Variants in AGPAT4 observed in about 807,000 individuals in gnomAD.
AGPAT4 encodes 1-acyl-sn-glycerol-3-phosphate acyltransferase delta.
In AGPAT4, 15 loss-of-function variants were observed where a neutral mutation model predicts 48.0. The ratio of observed to expected loss-of-function variants is 0.31; its 90% CI spans 0.21 to 0.48. The LOEUF (loss-of-function observed/expected upper bound fraction) is 0.48, where lower values mean the gene tolerates loss of function less well. Ranked by LOEUF, AGPAT4 falls within the 20% of genes least tolerant of loss-of-function variation. The probability of loss-of-function intolerance (pLI) is 0.99; values close to 1 mark genes in which losing one functional copy is unlikely to be tolerated. For missense variants in AGPAT4, 314 were observed against 482.5 expected, an observed-to-expected ratio of 0.65 and a Z score of 3.27; for synonymous variants, 178 against 198.7, an observed-to-expected ratio of 0.90 and a Z score of 0.88.
At chr6:161,186,909 TA>T (rs1415326008) in intron 2 of AGPAT4, among the ~76,000 whole-genome samples, 1 of 152,150 alleles carries the variant, frequency 6.6e-6, no homozygotes, top group Non-Finnish European at 1.5e-5. Context: ...TCAGTTCAAA[TA>T]AGACCACCCA....
intron 2 of AGPAT4, among the ~76,000 whole-genome samples, chr6:161,207,296 C>A (rs1781401894): frequency 6.6e-6 from 1 of 152,168 alleles, no homozygotes; most frequent in Admixed American, 6.5e-5. Context: ...CTTTTTGTAT[C>A]CCTCTTCTCT....
intron 1 of AGPAT4, among the ~76,000 whole-genome samples, chr6:161,265,712 G>A (rs999105578): frequency 7.9e-5 from 12 of 152,092 alleles, no homozygotes; most frequent in South Asian, 4.1e-4. Flanking sequence ...GGAGGGGAAC[G>A]AGGAGGGCCT....
intron 5 of AGPAT4, among the ~76,000 whole-genome samples, chr6:161,151,401 G>C (rs1779589772): frequency 6.6e-6 from 1 of 152,248 alleles, no homozygotes; most frequent in Non-Finnish European, 1.5e-5. Flanking sequence ...GAACAGCATA[G>C]AGCTGGACGG....
Position 161,202,417 on chromosome 6 carries a change from AAG to A in AGPAT4, c.178+29617_178+29618del, listed in dbSNP as rs1416356227. On this transcript the variant is annotated intron_variant, in intron 2 of 8. Transcript: ENST00000320285. The surrounding 1 kb of genome is among the most constrained non-coding windows in gnomAD (Gnocchi z 5.4). ...CTGGATGACAGAGGACAGAGGGGAA[AAG>A]AGAGAGGAAACCAGGCAGAAGCTAT... Among the ~76,000 whole-genome samples the A allele has an allele frequency of 2.0e-5, 3 of 152,108 alleles. No individual in the cohort carries two copies. The highest frequency in any genetic ancestry group is 4.4e-5 in the Non-Finnish European group (3 of 68,022).
intron 2 of AGPAT4, among the ~76,000 whole-genome samples, chr6:161,174,007 C>A (rs1780355833): frequency 6.6e-6 from 1 of 152,126 alleles, no homozygotes; most frequent in South Asian, 2.1e-4. Context: ...TGGTCTATAT[C>A]TCTGTTTTGG....
rs1363733466 is a variant in AGPAT4 at position 161,161,062 on chromosome 6, C to T, written c.348+5186G>A. The T allele has an allele frequency of 2.2e-6, 1 of 456,702 alleles. No individual in the cohort carries two copies. The highest frequency in any genetic ancestry group is 4.4e-6 in the Non-Finnish European group (1 of 226,970). 28.3% of individuals were successfully genotyped at this position (456,702 alleles called of 1,614,324 possible). On this transcript the variant is annotated intron_variant, in intron 3 of 8. Transcript: ENST00000320285. This position sits in a 1 kb window ranked among gnomAD's most constrained non-coding sequence, Gnocchi z 4.6. Reference sequence around the variant, plus strand: ...CATGGGATGATACCAAGTCGGTGTACAGCAGACAGCACAGGCTGTGACCGT... The same window carrying T: ...CATGGGATGATACCAAGTCGGTGTATAGCAGACAGCACAGGCTGTGACCGT...
chr6:161,239,796 A>AC (rs1782429105), intron 1 of AGPAT4, among the ~76,000 whole-genome samples: 1 of 152,146 alleles, frequency 6.6e-6, no homozygotes, highest in African/African-American at 2.4e-5. Context: ...GTAGAATGGG[A>AC]CCCCTAGCCT....
rs369392284 is a variant in AGPAT4, at chr6:161,132,443, G to A, written c.*4097C>T. 2 of 152,278 alleles carry A rather than the reference G, an allele frequency of 1.3e-5. No homozygotes were observed. Among genetic ancestry groups the A allele is most frequent in the Admixed American group, 6.5e-5 (1 of 15,280 alleles). 9.4% of individuals were successfully genotyped at this position (152,278 alleles called of 1,614,324 possible). A position where few individuals can be genotyped will look rare whatever the true frequency, so the allele number is the denominator to read the frequency against. On this transcript the variant is annotated 3_prime_UTR_variant, in exon 9 of 9. Coordinates refer to ENST00000320285, the MANE Select transcript of AGPAT4 (RefSeq NM_020133.3). ...GATGCTGGTCTCTTCTGAACACACCGTGGAGCAATGTGGTGCACCTGCAGA... is the reference window on the plus strand; with the variant it reads ...GATGCTGGTCTCTTCTGAACACACCATGGAGCAATGTGGTGCACCTGCAGA...
chr6:161,252,640 T>C (rs1271948975), intron 1 of AGPAT4, among the ~76,000 whole-genome samples: 3 of 54,232 alleles, frequency 5.5e-5, no homozygotes, highest in Admixed American at 4.2e-4. Flanking sequence ...CTCGGCAACA[T>C]GGTGACAAAA....
At position 161,137,205 on chromosome 6, in the gene AGPAT4, G is replaced by A. The variant is rs147183104; in HGVS notation, c.1043-571C>T. Reference sequence around the variant, plus strand: ...GGAGCCCAGTTTAATATAGGAAGCTGGAAAGCAGGGCCTAATGCTCAGAAG... The same window carrying A: ...GGAGCCCAGTTTAATATAGGAAGCTAGAAAGCAGGGCCTAATGCTCAGAAG... On this transcript the variant is annotated intron_variant, in intron 8 of 8. Coordinates refer to ENST00000320285, the MANE Select transcript of AGPAT4 (RefSeq NM_020133.3). This position sits in a 1 kb window ranked among gnomAD's most constrained non-coding sequence, Gnocchi z 6.1. Among the ~76,000 whole-genome samples, 68 of 152,278 alleles carry A rather than the reference G, an allele frequency of 4.5e-4. 1 individual carries two copies. Among genetic ancestry groups the A allele is most frequent in the African/African-American group, 1.5e-3 (63 of 41,556 alleles).
rs530412943 is a variant in AGPAT4, at chr6:161,159,768, G to A, written c.349-5458C>T. ...AAGCGATTCTCCTGCCTCAGCCTCC[G>A]GAGTAGCTGGGATTACAGGCACCTG... On this transcript the variant is annotated intron_variant, in intron 3 of 8. Transcript: ENST00000320285. This position sits in a 1 kb window ranked among gnomAD's most constrained non-coding sequence, Gnocchi z 4.1. 5.9e-5 allele frequency among the ~76,000 whole-genome samples: 9 copies of A among 151,732 alleles called. No homozygotes were observed. The South Asian group carries it at 6.3e-4, about 11-fold the overall frequency.
At position 161,161,323 on chromosome 6, in the gene AGPAT4, T is replaced by C. The variant is rs1481779211; in HGVS notation, c.348+4925A>G. 2.2e-6 allele frequency: 1 copy of C among 456,738 alleles called. No homozygotes were observed. Among genetic ancestry groups the C allele is most frequent in the Admixed American group, 2.3e-5 (1 of 42,590 alleles). The allele number at this position is 456,738 out of a possible 1,614,324, so 28.3% of individuals were successfully genotyped here. On this transcript the variant is annotated intron_variant, in intron 3 of 8. Coordinates refer to ENST00000320285, the MANE Select transcript of AGPAT4 (RefSeq NM_020133.3). The surrounding 1 kb of genome is among the most constrained non-coding windows in gnomAD (Gnocchi z 4.6). ...GCGGTGCAGCCATAGTCCCGTGAGCTGCCCACTTCCTGCCCTGGCCAGTGG... is the reference window on the plus strand; with the variant it reads ...GCGGTGCAGCCATAGTCCCGTGAGCCGCCCACTTCCTGCCCTGGCCAGTGG...
chr6:161,231,611 T>A lies in AGPAT4; in HGVS notation c.178+425A>T, dbSNP rs976163245. 1.3e-5 allele frequency among the ~76,000 whole-genome samples: 2 copies of A among 152,116 alleles called. No individual in the cohort carries two copies. The highest frequency in any genetic ancestry group is 4.8e-5 in the African/African-American group (2 of 41,408). On this transcript the variant is annotated intron_variant, in intron 2 of 8. Transcript: ENST00000320285. This position sits in a 1 kb window ranked among gnomAD's most constrained non-coding sequence, Gnocchi z 5.3. ...AAAGGCAAGGAAGAAAACAATATAG[T>A]ATACTGCCACTTAGTTTTTTAAAAA...
In AGPAT4 at chr6:161,165,499, G is replaced by T; in HGVS notation, c.348+749C>A. The T allele has an allele frequency of 1.0e-6, 1 of 965,258 alleles. No homozygotes were observed. Among genetic ancestry groups the T allele is most frequent in the Non-Finnish European group, 1.3e-6 (1 of 745,092 alleles). The allele number at this position is 965,258 out of a possible 1,614,324, so 59.8% of individuals were successfully genotyped here. A position where few individuals can be genotyped will look rare whatever the true frequency, so the allele number is the denominator to read the frequency against. On this transcript the variant is annotated intron_variant, in intron 3 of 8. Coordinates refer to ENST00000320285, the MANE Select transcript of AGPAT4 (RefSeq NM_020133.3). The surrounding 1 kb of genome is among the most constrained non-coding windows in gnomAD (Gnocchi z 5.5). ...CCCAGGTGCAAAACCTGATCTCTAA[G>T]TTCTGGTGCAAACTCTTAGGACCTT...
chr6:161,197,038 C>T lies in AGPAT4; in HGVS notation c.179-30621G>A, dbSNP rs992176182. ...CCAATGGAGGAGGCAGTAATAGAAGCGCACAAGAGGTGAGTGCTTTACAGG... is the reference window on the plus strand; with the variant it reads ...CCAATGGAGGAGGCAGTAATAGAAGTGCACAAGAGGTGAGTGCTTTACAGG... On this transcript the variant is annotated intron_variant, in intron 2 of 8. Transcript: ENST00000320285. This position sits in a 1 kb window ranked among gnomAD's most constrained non-coding sequence, Gnocchi z 5.7. Among the ~76,000 whole-genome samples, 1 of 152,100 alleles carries T rather than the reference C, an allele frequency of 6.6e-6. No homozygotes were observed. The highest frequency in any genetic ancestry group is 1.5e-5 in the Non-Finnish European group (1 of 68,024).
intron 2 of AGPAT4, among the ~76,000 whole-genome samples, chr6:161,186,333 C>T (rs1780768031): frequency 6.6e-6 from 1 of 152,178 alleles, no homozygotes; most frequent in African/African-American, 2.4e-5. Context: ...ACGAGAAACC[C>T]TGCCACCTCC....
chr6:161,161,520 A>G lies in AGPAT4; in HGVS notation c.348+4728T>C, dbSNP rs1243884558. ...CTGATGAATTCACATGGTGGCGGGC[A>G]GCACTGGGTATCTGCCATAGGCTCA... On this transcript the variant is annotated intron_variant, in intron 3 of 8. Coordinates refer to ENST00000320285, the MANE Select transcript of AGPAT4 (RefSeq NM_020133.3). This position sits in a 1 kb window ranked among gnomAD's most constrained non-coding sequence, Gnocchi z 4.6. 4.4e-6 allele frequency: 2 copies of G among 456,492 alleles called. No homozygotes were observed. Among genetic ancestry groups the G allele is most frequent in the African/African-American group, 4.0e-5 (2 of 50,096 alleles). 28.3% of individuals were successfully genotyped at this position (456,492 alleles called of 1,614,324 possible). A position where few individuals can be genotyped will look rare whatever the true frequency, so the allele number is the denominator to read the frequency against.
chr6:161,267,947 C>G lies in AGPAT4; in HGVS notation c.-90+5991G>C, dbSNP rs1783313338. Among the ~76,000 whole-genome samples, 1 of 152,160 alleles carries G rather than the reference C, an allele frequency of 6.6e-6. No homozygotes were observed. Among genetic ancestry groups the G allele is most frequent in the Non-Finnish European group, 1.5e-5 (1 of 68,034 alleles). ...CCACATATCTGTTATGTGCCAGGCTCTGCACTGGGCATGGGAGACAGACTG... is the reference window on the plus strand; with the variant it reads ...CCACATATCTGTTATGTGCCAGGCTGTGCACTGGGCATGGGAGACAGACTG... On this transcript the variant is annotated intron_variant, in intron 1 of 8. Transcript: ENST00000320285. This position sits in a 1 kb window ranked among gnomAD's most constrained non-coding sequence, Gnocchi z 5.2.
Position 161,166,562 on chromosome 6 carries a change from T to A in AGPAT4, c.179-145A>T, listed in dbSNP as rs545064749. On this transcript the variant is annotated intron_variant, in intron 2 of 8. Coordinates refer to ENST00000320285, the MANE Select transcript of AGPAT4 (RefSeq NM_020133.3). The surrounding 1 kb of genome is among the most constrained non-coding windows in gnomAD (Gnocchi z 6.7). ...TGGATCGTTGCAGCACAGACCTTGG[T>A]CCTTGAAAGGGTTCAGAAGCGGAAG... 3.9e-4 allele frequency: 325 copies of A among 826,812 alleles called. 5 individuals carry two copies. The South Asian group carries it at 4.4e-3, about 11-fold the overall frequency. The allele number at this position is 826,812 out of a possible 1,614,324, so 51.2% of individuals were successfully genotyped here.
Sources: gnomAD v4.1 joint callset for allele counts (sites outside exome capture counted in the v4.1 genomes callset) on GRCh38, gnomAD v4.1.1 for gene constraint, Gnocchi (gnomAD v3.1) non-coding constraint, MANE v1.5 for transcripts, NCBI Gene and HGNC (gene_info 2026-07-23, HGNC 2026-07-21) for gene names.